Variants in MAF observed in about 807,000 individuals in gnomAD.
The protein encoded by MAF is transcription factor Maf.
Under a neutral mutation model 22.0 loss-of-function variants are expected in MAF, and 10 were observed. That is an observed-to-expected ratio of 0.45 (90% CI 0.28 to 0.77). The LOEUF is 0.77. Ranked by LOEUF, MAF falls within the 30% of genes least tolerant of loss-of-function variation. The pLI is 0.12. For missense variants in MAF, 544 were observed against 548.4 expected, an observed-to-expected ratio of 0.99 and a Z score of 0.08; for synonymous variants, 337 against 255.8, an observed-to-expected ratio of 1.32 and a Z score of -3.03.
the MAF span, among the ~76,000 whole-genome samples, chr16:79,269,331 A>G: frequency 6.6e-6 from 1 of 152,292 alleles, no homozygotes; most frequent in African/African-American, 2.4e-5. Flanking sequence ...CACTGCCCCT[A>G]ATGGCTCATA....
the MAF span, among the ~76,000 whole-genome samples, chr16:79,210,025 A>T: frequency 6.6e-6 from 1 of 152,340 alleles, no homozygotes; most frequent in East Asian, 1.9e-4. Context: ...ACCAGCTACT[A>T]TTAAGTTCAA....
At chr16:79,279,569 C>T in the MAF span, among the ~76,000 whole-genome samples, 3 of 152,076 alleles carry the variant, frequency 2.0e-5, no homozygotes, top group Middle Eastern at 3.2e-3. Context: ...TGCAGGATGA[C>T]GAAGCTGGAG....
the MAF span, among the ~76,000 whole-genome samples, chr16:79,219,525 T>C: frequency 8.5e-6 from 1 of 118,342 alleles, no homozygotes; most frequent in Non-Finnish European, 1.6e-5. Context: ...CACTCCAGCC[T>C]GGGCGACAGC....
At chr16:79,214,298 T>A in the MAF span, among the ~76,000 whole-genome samples, 5 of 152,310 alleles carry the variant, frequency 3.3e-5, no homozygotes, top group South Asian at 2.1e-4. Flanking sequence ...ACTGCTCCTG[T>A]CACACAGCAA....
chr16:79,283,182 A>T, the MAF span, among the ~76,000 whole-genome samples: 1 of 152,198 alleles, frequency 6.6e-6, no homozygotes, highest in Non-Finnish European at 1.5e-5. Context: ...AGATGGACGG[A>T]TGAATGGATG....
At chr16:79,305,375 T>C in the MAF span, among the ~76,000 whole-genome samples, 37 of 152,324 alleles carry the variant, frequency 2.4e-4, no homozygotes, top group Non-Finnish European at 4.4e-5. Flanking sequence ...AGTCCCAACC[T>C]ACTTCCAACC....
the MAF span, among the ~76,000 whole-genome samples, chr16:79,364,312 G>A: frequency 6.6e-6 from 1 of 152,154 alleles, no homozygotes; most frequent in Non-Finnish European, 1.5e-5. Flanking sequence ...AACAAAGTTG[G>A]GGGACCAAAT....
the MAF span, among the ~76,000 whole-genome samples, chr16:79,495,432 C>T: frequency 6.6e-6 from 1 of 152,150 alleles, no homozygotes; most frequent in African/African-American, 2.4e-5. Context: ...CACCACACTC[C>T]AGACTAGGTG....
At chr16:79,540,266 C>A in the MAF span, among the ~76,000 whole-genome samples, 1 of 151,820 alleles carries the variant, frequency 6.6e-6, no homozygotes, top group African/African-American at 2.4e-5. Flanking sequence ...TCCTTGTAAT[C>A]CCCAGGGAGG....
At chr16:79,398,570 T>C in the MAF span, among the ~76,000 whole-genome samples, 19 of 152,070 alleles carry the variant, frequency 1.2e-4, no homozygotes, top group African/African-American at 3.6e-4. Flanking sequence ...ATCCTAGAGA[T>C]AGAAGTCTGA....
chr16:79,455,805 G>C, the MAF span, among the ~76,000 whole-genome samples: 1 of 152,164 alleles, frequency 6.6e-6, no homozygotes, highest in Non-Finnish European at 1.5e-5. Flanking sequence ...ACTGCCTGAG[G>C]TCAGGAGGTT....
chr16:79,473,456 C>T, the MAF span, among the ~76,000 whole-genome samples: 1 of 152,210 alleles, frequency 6.6e-6, no homozygotes, highest in Non-Finnish European at 1.5e-5. Flanking sequence ...TGGGTGCAAA[C>T]AGCAAGCGGA....
the MAF span, among the ~76,000 whole-genome samples, chr16:79,449,461 A>C: frequency 6.6e-6 from 1 of 152,170 alleles, no homozygotes; most frequent in East Asian, 1.9e-4. Context: ...TGTGCTTGTT[A>C]TTTAGTTTTC....
the MAF span, among the ~76,000 whole-genome samples, chr16:79,305,042 A>G: frequency 2.0e-5 from 3 of 152,356 alleles, no homozygotes; most frequent in African/African-American, 7.2e-5. Flanking sequence ...CAACTCTGGT[A>G]CAAAGAGCGG....
chr16:79,470,684 T>C, the MAF span, among the ~76,000 whole-genome samples: 6 of 152,198 alleles, frequency 3.9e-5, no homozygotes, highest in Non-Finnish European at 7.3e-5. Flanking sequence ...AGTTTAAGAA[T>C]TGGCTTCATG....
chr16:79,387,659 G>A, the MAF span, among the ~76,000 whole-genome samples: 74 of 152,278 alleles, frequency 4.9e-4, no homozygotes, highest in East Asian at 1.7e-3. Context: ...CCTAGACCTC[G>A]GAGGAGGGCA....
chr16:79,415,539 G>A, the MAF span, among the ~76,000 whole-genome samples: 4 of 152,174 alleles, frequency 2.6e-5, no homozygotes, highest in Admixed American at 6.5e-5. Flanking sequence ...GGTTGTGAGG[G>A]AGGCTGGCAG....
the MAF span, among the ~76,000 whole-genome samples, chr16:79,316,596 A>G: frequency 1.3e-5 from 2 of 152,154 alleles, no homozygotes; most frequent in African/African-American, 4.8e-5. Context: ...AGGTGCCACC[A>G]GTCACTCCCC....
the MAF span, among the ~76,000 whole-genome samples, chr16:79,554,485 G>C: frequency 9.2e-5 from 14 of 152,316 alleles, no homozygotes; most frequent in African/African-American, 3.4e-4. Flanking sequence ...GACAGTACTT[G>C]ATCAGAATTC....
Sources: allele counts gnomAD v4.1 joint callset (sites outside exome capture counted in the v4.1 genomes callset), GRCh38; gene constraint gnomAD v4.1.1; transcripts MANE v1.5; gene names NCBI Gene and HGNC (gene_info 2026-07-23, HGNC 2026-07-21).